The following CLDN10 variants were observed in gnomAD, a reference collection of about 807,000 sequenced individuals.
CLDN10 encodes claudin-10.
A neutral mutation model predicts 22.9 loss-of-function variants in CLDN10; 15 were observed. The observed-to-expected ratio is 0.65, with a 90% CI of 0.44 to 1.01. The LOEUF (loss-of-function observed/expected upper bound fraction) is 1.01. Ranked by LOEUF, CLDN10 falls within the 50% of genes least tolerant of loss-of-function variation. The pLI, the probability that CLDN10 is intolerant of heterozygous loss-of-function variation, is 0.00. For missense variants in CLDN10, 247 were observed against 287.8 expected (o/e 0.86, Z 1.03); for synonymous variants, 114 against 111.4 (o/e 1.02, Z -0.15).
At chr13:95,531,043 C>T (rs2209534) in intron 1 of CLDN10, among the ~76,000 whole-genome samples, 59,183 of 151,528 alleles carry the variant, frequency 0.39, 11,791 homozygotes, top group African/African-American at 0.45. Context: ...CTCAGTCTCC[C>T]GAGTAGCTGG....
intron 1 of CLDN10, among the ~76,000 whole-genome samples, chr13:95,519,925 A>G (rs1412496418): frequency 6.6e-6 from 1 of 152,268 alleles, no homozygotes; most frequent in Non-Finnish European, 1.5e-5. Flanking sequence ...TGAAAATCAG[A>G]TATGAAAAGC....
At chr13:95,505,034 G>T (rs2043023979) in intron 1 of CLDN10, among the ~76,000 whole-genome samples, 3 of 152,130 alleles carry the variant, frequency 2.0e-5, no homozygotes, top group Admixed American at 2.0e-4. Flanking sequence ...AGGGAATTAG[G>T]GTAATAGCCA....
chr13:95,562,648 A>G (rs935274165), intron 3 of CLDN10, among the ~76,000 whole-genome samples: 1 of 152,244 alleles, frequency 6.6e-6, no homozygotes, highest in African/African-American at 2.4e-5. Flanking sequence ...TTGTATTTAA[A>G]TGATACATTT....
intron 1 of CLDN10, among the ~76,000 whole-genome samples, chr13:95,450,947 T>C (rs1594527296): frequency 6.6e-6 from 1 of 152,330 alleles, no homozygotes; most frequent in Non-Finnish European, 1.5e-5. Flanking sequence ...CATGCACCAC[T>C]GTAACTATCA....
intron 3 of CLDN10, among the ~76,000 whole-genome samples, chr13:95,570,829 T>TATAC (rs1288136733): frequency 8.5e-5 from 11 of 129,420 alleles, no homozygotes; most frequent in African/African-American, 3.1e-4. Context: ...TATATATATA[T>TATAC]ACACACACAC....
chr13:95,549,640 T>C (rs2043544326), upstream of CLDN10, among the ~76,000 whole-genome samples: 1 of 152,244 alleles, frequency 6.6e-6, no homozygotes, highest in African/African-American at 2.4e-5. Flanking sequence ...TTTCATTCTT[T>C]GGTCAGGAAC....
chr13:95,553,410 A>G (rs1174816168), intron 1 of CLDN10, among the ~76,000 whole-genome samples: 1 of 151,462 alleles, frequency 6.6e-6, no homozygotes, highest in Non-Finnish European at 1.5e-5. Context: ...AAATGGTGTC[A>G]TTGCAAGCCA....
rs1435911524 is a variant in CLDN10, at chr13:95,579,202, C to T, written c.*1188C>T. Reference sequence around the variant, plus strand: ...CGTGCCTCACTCAGAACTGACGGGCCGAGTTCTATCTAGGTGTGTCTTCCA... The same window carrying T: ...CGTGCCTCACTCAGAACTGACGGGCTGAGTTCTATCTAGGTGTGTCTTCCA... On this transcript the variant is annotated 3_prime_UTR_variant, in exon 5 of 5. Coordinates refer to ENST00000299339, the MANE Select transcript of CLDN10 (RefSeq NM_006984.5). 2.0e-5 allele frequency: 3 copies of T among 152,114 alleles called. No homozygotes were observed. Among genetic ancestry groups the T allele is most frequent in the East Asian group, 1.9e-4 (1 of 5,194 alleles). 9.4% of individuals were successfully genotyped at this position (152,114 alleles called of 1,614,324 possible). A position where few individuals can be genotyped will look rare whatever the true frequency, so the allele number is the denominator to read the frequency against.
intron 1 of CLDN10, among the ~76,000 whole-genome samples, chr13:95,555,124 G>C (rs745714698): frequency 2.1e-5 from 3 of 141,216 alleles, no homozygotes; most frequent in Non-Finnish European, 3.0e-5. Context: ...AATCTCAGCC[G>C]ACTGCAACCT....
intron 1 of CLDN10, among the ~76,000 whole-genome samples, chr13:95,515,440 T>A (rs966036460): frequency 1.3e-5 from 2 of 152,186 alleles, no homozygotes; most frequent in African/African-American, 4.8e-5. Context: ...CCTCAAATGA[T>A]CTGCCTGCGT....
chr13:95,448,358 AC>A (rs1397036605), intron 1 of CLDN10, among the ~76,000 whole-genome samples: 3 of 152,144 alleles, frequency 2.0e-5, no homozygotes, highest in Non-Finnish European at 4.4e-5. Context: ...ACAGGCAGGC[AC>A]CCCACACACA....
intron 1 of CLDN10, among the ~76,000 whole-genome samples, chr13:95,532,400 G>C (rs1403155351): frequency 2.0e-5 from 3 of 152,130 alleles, no homozygotes; most frequent in Non-Finnish European, 2.9e-5. Context: ...AAAGTGCTCA[G>C]CATCATGAAG....
chr13:95,460,943 T>A (rs2042530918), intron 1 of CLDN10, among the ~76,000 whole-genome samples: 1 of 152,016 alleles, frequency 6.6e-6, no homozygotes, highest in Non-Finnish European at 1.5e-5. Flanking sequence ...ACCCCATCTC[T>A]ACTAAAAATA....
intron 3 of CLDN10, among the ~76,000 whole-genome samples, chr13:95,562,949 CTTA>C (rs1331782047): frequency 1.3e-5 from 2 of 152,184 alleles, no homozygotes; most frequent in East Asian, 3.8e-4. Flanking sequence ...ATTGGAATTT[CTTA>C]TTCTCTTTTC....
At chr13:95,445,771 C>G (rs2042369959) in intron 1 of CLDN10, among the ~76,000 whole-genome samples, 1 of 152,086 alleles carries the variant, frequency 6.6e-6, no homozygotes, top group Non-Finnish European at 1.5e-5. Flanking sequence ...TAGCTGTGCT[C>G]TTTAGATGTC....
intron 3 of CLDN10, among the ~76,000 whole-genome samples, chr13:95,572,534 A>G (rs531568428): frequency 6.6e-6 from 1 of 152,262 alleles, no homozygotes; most frequent in Middle Eastern, 3.4e-3. Flanking sequence ...TTGTGAAAAA[A>G]TCTTAGCACA....
At chr13:95,540,301 AAAAT>A (rs57019843) in intron 1 of CLDN10, among the ~76,000 whole-genome samples, 50,270 of 142,432 alleles carry the variant, frequency 0.35, 9,767 homozygotes, top group Non-Finnish European at 0.43. Flanking sequence ...CTCTGTCTCA[AAAAT>A]AAATAAATAA....
chr13:95,514,234 G>C (rs971445747), intron 1 of CLDN10, among the ~76,000 whole-genome samples: 1 of 152,162 alleles, frequency 6.6e-6, no homozygotes, highest in Non-Finnish European at 1.5e-5. Flanking sequence ...ACTCCAGCCT[G>C]GGTGACAGAG....
At chr13:95,441,931 G>A (rs1262715481) in intron 1 of CLDN10, among the ~76,000 whole-genome samples, 4 of 152,164 alleles carry the variant, frequency 2.6e-5, no homozygotes, top group South Asian at 2.1e-4. Flanking sequence ...CAGGTGGATC[G>A]CTTGAGCGCA....
Sources: allele counts gnomAD v4.1 joint callset (sites outside exome capture counted in the v4.1 genomes callset), GRCh38; gene constraint gnomAD v4.1.1; transcripts MANE v1.5; gene names NCBI Gene and HGNC (gene_info 2026-07-23, HGNC 2026-07-21).